The following BANK1 variants were observed in gnomAD, a reference collection of about 807,000 sequenced individuals.
BANK1 encodes B cell scaffold protein with ankyrin repeats 1, also known as B-cell scaffold protein with ankyrin repeats.
In BANK1, 95 loss-of-function variants were observed where a neutral mutation model predicts 94.5. The observed-to-expected ratio is 1.00, with a 90% confidence interval of 0.85 to 1.19. BANK1 has a LOEUF of 1.19. BANK1 is among the 50% of genes most tolerant of loss of function. The pLI, the probability that BANK1 is intolerant of heterozygous loss-of-function variation, is 0.00. For synonymous variants in BANK1, 334 were observed against 308.4 expected (o/e 1.08, Z -0.87); for missense variants, 987 against 932.2 (o/e 1.06, Z -0.77).
intron 9 of BANK1, among the ~76,000 whole-genome samples, chr4:102,027,112 A>G (rs1028449317): frequency 1.3e-5 from 2 of 152,220 alleles, no homozygotes; most frequent in African/African-American, 4.8e-5. Flanking sequence ...ATAAGTTAGT[A>G]GTACACTGAC....
intron 7 of BANK1, among the ~76,000 whole-genome samples, chr4:101,935,115 A>G (rs531609594): frequency 2.6e-5 from 4 of 151,380 alleles, no homozygotes; most frequent in Admixed American, 6.6e-5. Context: ...ACCCCAACCC[A>G]TCCCCAGAAT....
chr4:101,894,607 C>T (rs1262577301), intron 5 of BANK1, among the ~76,000 whole-genome samples: 5 of 151,758 alleles, frequency 3.3e-5, no homozygotes, highest in Non-Finnish European at 5.9e-5. Flanking sequence ...GTTGATTGGC[C>T]CACCTCCTTA....
At chr4:101,916,010 G>A (rs1048972079) in intron 6 of BANK1, among the ~76,000 whole-genome samples, 1 of 151,944 alleles carries the variant, frequency 6.6e-6, no homozygotes, top group African/African-American at 2.4e-5. Flanking sequence ...TATTATGAAA[G>A]GAATGAAAAT....
chr4:101,887,337 T>G (rs1190997608), intron 5 of BANK1, among the ~76,000 whole-genome samples: 1 of 152,220 alleles, frequency 6.6e-6, no homozygotes, highest in African/African-American at 2.4e-5. Context: ...TTTAAGAATT[T>G]AAAAATAATA....
chr4:102,063,826 A>C (rs1267381160), intron 13 of BANK1, among the ~76,000 whole-genome samples: 2 of 151,988 alleles, frequency 1.3e-5, no homozygotes, highest in East Asian at 3.9e-4. Flanking sequence ...CTCAAAAAAA[A>C]AAAAAAAAAG....
chr4:102,046,339 TA>T (rs766504899), intron 11 of BANK1, among the ~76,000 whole-genome samples: 5 of 152,138 alleles, frequency 3.3e-5, no homozygotes, highest in Non-Finnish European at 4.4e-5. Flanking sequence ...TCACACAATA[TA>T]ATTTTGCCAT....
At chr4:101,848,810 C>CT (rs1370183888) in intron 2 of BANK1, among the ~76,000 whole-genome samples, 1 of 152,304 alleles carries the variant, frequency 6.6e-6, no homozygotes, top group African/African-American at 2.4e-5. Flanking sequence ...GCAAGGGTCT[C>CT]TAACTTTTAG....
chr4:101,937,834 C>T (rs1415022690), intron 7 of BANK1, among the ~76,000 whole-genome samples: 2 of 151,790 alleles, frequency 1.3e-5, no homozygotes, highest in East Asian at 3.9e-4. Flanking sequence ...GACTTTGAAC[C>T]AACCCAAATG....
intron 7 of BANK1, among the ~76,000 whole-genome samples, chr4:101,935,117 C>G (rs1468567467): frequency 1.3e-5 from 2 of 151,492 alleles, no homozygotes; most frequent in African/African-American, 4.8e-5. Flanking sequence ...CCCAACCCAT[C>G]CCCAGAATAT....
At position 102,025,497 on chromosome 4, in the gene BANK1, T is replaced by G. The variant is rs1200127178; in HGVS notation, c.1582T>G (p.Phe528Val). ...ANAFQLERPHFTLPGTMVEGQ... is the reference protein window; with the variant it reads ...ANAFQLERPHVTLPGTMVEGQ... ...TGCCTTCCAACTGGAAAGACCTCAC[T>G]TCACCTTACCAGGTAAGTTTAAGGT... The change falls in exon 9 of 17, where the codon TTC becomes GTC. Residue 528 changes from phenylalanine (F) to valine (V), a missense_variant. Coordinates refer to ENST00000322953, the MANE Select transcript of BANK1 (RefSeq NM_017935.5). The G allele has an allele frequency of 1.2e-6, 2 of 1,612,414 alleles. No individual in the cohort carries two copies. Among genetic ancestry groups the G allele is most frequent in the Non-Finnish European group, 1.7e-6 (2 of 1,179,922 alleles).
intron 12 of BANK1, 101 bp downstream of exon 12, chr4:102,060,490 A>G: frequency 5.6e-6 from 7 of 1,242,484 alleles, no homozygotes; most frequent in Non-Finnish European, 7.7e-6. Context: ...CTGTTCTTTC[A>G]TTTTTAACTA....
intron 9 of BANK1, among the ~76,000 whole-genome samples, chr4:102,026,576 C>G (rs1727104557): frequency 6.6e-6 from 1 of 152,054 alleles, no homozygotes; most frequent in African/African-American, 2.4e-5. Flanking sequence ...TGCCTGTAAT[C>G]CCAGCACTTT....
chr4:101,942,097 GA>G (rs1373475688), intron 7 of BANK1, among the ~76,000 whole-genome samples: 1 of 151,856 alleles, frequency 6.6e-6, no homozygotes, highest in Non-Finnish European at 1.5e-5. Context: ...AATGAACACT[GA>G]TGTGCCAGTC....
intron 7 of BANK1, 143 bp downstream of exon 7, chr4:101,918,332 A>T: frequency 4.4e-6 from 2 of 458,732 alleles, no homozygotes; most frequent in Non-Finnish European, 7.5e-6. Flanking sequence ...ACATATCAAT[A>T]ATCGTTAGGT....
chr4:101,969,549 T>C (rs1724885693), intron 7 of BANK1, among the ~76,000 whole-genome samples: 1 of 152,050 alleles, frequency 6.6e-6, no homozygotes, highest in Non-Finnish European at 1.5e-5. Context: ...CTGCCTTCCA[T>C]TCCAAAGTAA....
At chr4:101,808,082 C>CAA (rs774397564) in intron 1 of BANK1, among the ~76,000 whole-genome samples, 1 of 74,746 alleles carries the variant, frequency 1.3e-5, no homozygotes, top group African/African-American at 4.8e-5. Context: ...GCAAGACTCT[C>CAA]AAAAAAAAAA....
rs540387265 is a variant in BANK1, at chr4:102,010,244, G to A, written c.1207-11270G>A. Reference sequence around the variant, plus strand: ...CCAGCCACTGCACTCCAGCCTGGGCGACAGAGTGAAACTCCATCTCAAAAA... The same window carrying A: ...CCAGCCACTGCACTCCAGCCTGGGCAACAGAGTGAAACTCCATCTCAAAAA... On this transcript the variant is annotated intron_variant, in intron 7 of 16. Coordinates refer to ENST00000322953, the MANE Select transcript of BANK1 (RefSeq NM_017935.5). Among the ~76,000 whole-genome samples, 161 of 152,096 alleles carry A rather than the reference G, an allele frequency of 1.1e-3. 1 individual carries two copies. The highest frequency in any genetic ancestry group is 6.9e-3 in the Admixed American group (105 of 15,288).
At chr4:101,913,034 G>A (rs982960988) in intron 6 of BANK1, among the ~76,000 whole-genome samples, 5 of 152,142 alleles carry the variant, frequency 3.3e-5, no homozygotes, top group African/African-American at 4.8e-5. Context: ...CCAATAGGTA[G>A]CATTCTACCT....
At chr4:102,008,898 G>A (rs149709688) in intron 7 of BANK1, among the ~76,000 whole-genome samples, 23 of 152,252 alleles carry the variant, frequency 1.5e-4, no homozygotes, top group Non-Finnish European at 3.1e-4. Context: ...AAAACACATA[G>A]CTCTTGTGCA....
Sources: allele counts gnomAD v4.1 joint callset (sites outside exome capture counted in the v4.1 genomes callset), GRCh38; gene constraint gnomAD v4.1.1; transcripts MANE v1.5; gene names NCBI Gene and HGNC (gene_info 2026-07-23, HGNC 2026-07-21).